The following TRIM33 variants were observed in gnomAD, a reference collection of about 807,000 sequenced individuals.
TRIM33 encodes the protein E3 ubiquitin-protein ligase TRIM33.
A neutral mutation model predicts 125.4 loss-of-function variants in TRIM33; 20 were observed. The observed-to-expected ratio is 0.16, with a 90% confidence interval of 0.11 to 0.23. TRIM33 has a LOEUF of 0.23. Among genes scored for constraint, TRIM33 ranks in the 10% least tolerant of loss-of-function variants. The pLI, the probability that TRIM33 is intolerant of heterozygous loss-of-function variation, is 1.00. For missense variants in TRIM33, 920 were observed against 1,411.4 expected (o/e 0.65, Z 5.58); for synonymous variants, 564 against 513.9 (o/e 1.10, Z -1.32).
intron 10 of TRIM33, among the ~76,000 whole-genome samples, chr1:114,423,478 C>T (rs7523112): frequency 0.35 from 53,585 of 151,832 alleles, 10,129 homozygotes; most frequent in African/African-American, 0.46. Flanking sequence ...CTATAAAGTA[C>T]AGCTTTTGAA....
At position 114,420,437 on chromosome 1, in the gene TRIM33, C is replaced by T. The variant is rs758444988; in HGVS notation, c.2061+999G>A. The stretch of plus-strand genomic sequence containing the variant: ...CAAACTCATACCAGGAGTGCATCAT[C>T]GGAACAACGTTTGCCTGTGGCAGGT... On this transcript the variant is annotated intron_variant, in intron 11 of 19. Coordinates refer to ENST00000358465, the MANE Select transcript of TRIM33 (RefSeq NM_015906.4). 65 of 1,334,354 alleles carry T rather than the reference C, an allele frequency of 4.9e-5. 1 individual carries two copies. The highest frequency in any genetic ancestry group is 3.8e-4 in the South Asian group (31 of 81,292). 82.7% of individuals were successfully genotyped at this position (1,334,354 alleles called of 1,614,324 possible). A position where few individuals can be genotyped will look rare whatever the true frequency, so the allele number is the denominator to read the frequency against.
intron 1 of TRIM33, among the ~76,000 whole-genome samples, chr1:114,473,600 G>A (rs1307421005): frequency 6.6e-6 from 1 of 152,156 alleles, no homozygotes; most frequent in Admixed American, 6.6e-5. Flanking sequence ...TGTGGAGCAG[G>A]TAATTGGAAT....
intron 4 of TRIM33, among the ~76,000 whole-genome samples, chr1:114,439,072 A>G (rs1236364358): frequency 2.0e-5 from 3 of 152,198 alleles, no homozygotes; most frequent in Admixed American, 6.5e-5. Context: ...ATTAAATCTC[A>G]AAAATCACAG....
intron 1 of TRIM33, chr1:114,490,964 G>T (rs1652025910): frequency 6.6e-6 from 1 of 152,156 alleles, no homozygotes; most frequent in African/African-American, 2.4e-5. Flanking sequence ...CAAATCTATA[G>T]AGACAATAAA....
intron 9 of TRIM33, 64 bp downstream of exon 9, chr1:114,425,385 A>T (rs1468971271): frequency 6.4e-7 from 1 of 1,560,670 alleles, no homozygotes; most frequent in African/African-American, 1.4e-5. Context: ...TTAATTATAT[A>T]GGAAAAAGTG....
intron 18 of TRIM33, among the ~76,000 whole-genome samples, chr1:114,398,973 T>G (rs1161734432): frequency 7.5e-6 from 1 of 133,870 alleles, no homozygotes; most frequent in African/African-American, 2.9e-5. Flanking sequence ...ATAACCAAAA[T>G]TAATCAAAGT....
chr1:114,477,926 A>T (rs60614633), intron 1 of TRIM33, among the ~76,000 whole-genome samples: 4,485 of 152,342 alleles, frequency 0.029, 158 homozygotes, highest in African/African-American at 0.082. Context: ...ACTAAAATTT[A>T]AAAGATAAGT....
intron 1 of TRIM33, among the ~76,000 whole-genome samples, chr1:114,485,602 C>CA (rs1218265906): frequency 2.6e-5 from 4 of 152,092 alleles, no homozygotes. Flanking sequence ...GTTGGTACCC[C>CA]ACTTCATCAG....
At chr1:114,414,027 GCACACACA>G (rs3077592) in intron 11 of TRIM33, among the ~76,000 whole-genome samples, 2,607 of 130,658 alleles carry the variant, frequency 0.02, 33 homozygotes, top group African/African-American at 0.04. Flanking sequence ...TAAATCACAG[GCACACACA>G]CACACACACA....
intron 6 of TRIM33, among the ~76,000 whole-genome samples, chr1:114,428,691 T>C (rs1002501015): frequency 2.0e-5 from 3 of 152,236 alleles, no homozygotes; most frequent in Non-Finnish European, 4.4e-5. Context: ...AGTATTCAAC[T>C]GAGAGAAGTA....
intron 1 of TRIM33, among the ~76,000 whole-genome samples, chr1:114,473,073 G>A (rs1650747868): frequency 6.6e-6 from 1 of 151,758 alleles, no homozygotes; most frequent in African/African-American, 2.4e-5. Context: ...TGGCTAACAT[G>A]GTGAAACCCC....
intron 1 of TRIM33, among the ~76,000 whole-genome samples, chr1:114,498,262 A>C (rs902389791): frequency 2.0e-5 from 3 of 152,194 alleles, no homozygotes; most frequent in Non-Finnish European, 4.4e-5. Flanking sequence ...GGGAAGAAAA[A>C]CATTTGTATC....
intron 11 of TRIM33, among the ~76,000 whole-genome samples, chr1:114,413,807 TAGG>T (rs1161952811): frequency 6.6e-6 from 1 of 151,808 alleles, no homozygotes; most frequent in Non-Finnish European, 1.5e-5. Context: ...CACTTGAGAC[TAGG>T]AGTTCAAAAC....
intron 1 of TRIM33, among the ~76,000 whole-genome samples, chr1:114,488,741 C>T (rs1474146832): frequency 6.6e-6 from 1 of 151,936 alleles, no homozygotes; most frequent in Non-Finnish European, 1.5e-5. Flanking sequence ...CCAACCTGGG[C>T]AACAGAGCAA....
intron 1 of TRIM33, among the ~76,000 whole-genome samples, chr1:114,500,094 G>A (rs115368316): frequency 0.026 from 3,926 of 152,250 alleles, 87 homozygotes; most frequent in Non-Finnish European, 0.034. Flanking sequence ...TTGAACCTGG[G>A]AGTCGGACGT....
intron 1 of TRIM33, among the ~76,000 whole-genome samples, chr1:114,492,543 C>G (rs1652134273): frequency 6.6e-6 from 1 of 152,112 alleles, no homozygotes; most frequent in South Asian, 2.1e-4. Context: ...ATCGCCCATT[C>G]CTCCCCCACT....
In TRIM33 at chr1:114,435,877, C is replaced by CTTTTTTT. The variant is rs34327766; in HGVS notation, c.924-2151_924-2145dup. ...GAGTAGCTGGGACTATAGACACCCG[C>CTTTTTTT]TTTTTTTTTTTTTTTTTTTTTTTTT... On this transcript the variant is annotated intron_variant, in intron 4 of 19. Transcript: ENST00000358465. Among the ~76,000 whole-genome samples the CTTTTTTT allele has an allele frequency of 1.2e-3, 86 of 73,294 alleles. 3 individuals are homozygous for CTTTTTTT. Among genetic ancestry groups the CTTTTTTT allele is most frequent in the African/African-American group, 5.2e-3 (81 of 15,618 alleles). 48.1% of individuals were successfully genotyped at this position (73,294 alleles called of 152,430 possible).
Position 114,462,393 on chromosome 1 carries a change from T to C in TRIM33, c.923+711A>G, listed in dbSNP as rs561357874. Reference sequence around the variant, plus strand: ...AAGTTCTCTTATACATTTTTGGCAATAGATTAATAAAATCTATTCCCATCC... The same window carrying C: ...AAGTTCTCTTATACATTTTTGGCAACAGATTAATAAAATCTATTCCCATCC... On this transcript the variant is annotated intron_variant, in intron 4 of 19. Coordinates refer to ENST00000358465, the MANE Select transcript of TRIM33 (RefSeq NM_015906.4). Among the ~76,000 whole-genome samples, 10 of 152,308 alleles carry C rather than the reference T, an allele frequency of 6.6e-5. No homozygotes were observed. In the East Asian group the frequency reaches 1.3e-3, roughly 21 times the overall value.
chr1:114,460,090 G>T, intron 4 of TRIM33: 1 of 163,632 alleles, frequency 6.1e-6, no homozygotes, highest in South Asian at 1.6e-4. Flanking sequence ...GCAAAAGGAT[G>T]ATAAATTTCA....
Sources: gnomAD v4.1 joint callset for allele counts (sites outside exome capture counted in the v4.1 genomes callset) on GRCh38, gnomAD v4.1.1 for gene constraint, MANE v1.5 for transcripts, NCBI Gene and HGNC (gene_info 2026-07-23, HGNC 2026-07-21) for gene names.